The following FER variants were observed in gnomAD, a reference collection of about 807,000 sequenced individuals.
The protein encoded by FER is tyrosine-protein kinase Fer.
A neutral mutation model predicts 111.0 loss-of-function variants in FER; 63 were observed. The observed-to-expected ratio is 0.57, with a 90% CI of 0.46 to 0.70. The LOEUF (loss-of-function observed/expected upper bound fraction) is 0.70. Among genes scored for constraint, FER ranks in the 30% least tolerant of loss-of-function variants. The probability of loss-of-function intolerance (pLI) is 0.00; values close to 1 mark genes in which losing one functional copy is unlikely to be tolerated. For missense variants in FER, 914 were observed against 954.0 expected (o/e 0.96, Z 0.55); for synonymous variants, 327 against 313.9 (o/e 1.04, Z -0.44).
intron 17 of FER, among the ~76,000 whole-genome samples, chr5:109,165,258 G>A (rs1756409388): frequency 6.6e-6 from 1 of 152,116 alleles, no homozygotes; most frequent in Non-Finnish European, 1.5e-5. Context: ...CCCTACAAGA[G>A]GTGATCATTA....
chr5:109,018,064 G>C (rs1188716653), intron 13 of FER, among the ~76,000 whole-genome samples: 1 of 151,802 alleles, frequency 6.6e-6, no homozygotes, highest in African/African-American at 2.4e-5. Flanking sequence ...ATTGTCTCCT[G>C]TCTGTTTTAG....
chr5:109,033,965 A>G lies in FER; in HGVS notation c.1657-3457A>G, dbSNP rs1013462148. Among the ~76,000 whole-genome samples, 35 of 152,184 alleles carry G rather than the reference A, an allele frequency of 2.3e-4. 1 individual carries two copies. The highest frequency in any genetic ancestry group is 7.3e-5 in the Non-Finnish European group (5 of 68,036). Reference sequence around the variant, plus strand: ...AGCTAACTAACATATCCATCACTTCACATAACTTATTTTTGGTAGTGAGAT... The same window carrying G: ...AGCTAACTAACATATCCATCACTTCGCATAACTTATTTTTGGTAGTGAGAT... On this transcript the variant is annotated intron_variant, in intron 13 of 19. Transcript: ENST00000281092.
chr5:108,820,739 G>C (rs1758750653), intron 3 of FER, among the ~76,000 whole-genome samples: 1 of 152,216 alleles, frequency 6.6e-6, no homozygotes, highest in African/African-American at 2.4e-5. Context: ...AAAAAATTTA[G>C]TCTTTGTCCA....
At position 109,191,337 on chromosome 5, in the gene FER, T is replaced by C. The variant is rs2126905584; in HGVS notation, c.*3762T>C. On this transcript the variant is annotated 3_prime_UTR_variant, in exon 20 of 20. Transcript: ENST00000281092. ...GTGTACACTGTTTAATGGCCATGCA[T>C]CTTTTGAAGTTTGATATTTTCTGAA... 1 of 152,284 alleles carries C rather than the reference T, an allele frequency of 6.6e-6. No homozygotes were observed. The highest frequency in any genetic ancestry group is 1.5e-5 in the Non-Finnish European group (1 of 68,018). The allele number at this position is 152,284 out of a possible 1,614,324, so 9.4% of individuals were successfully genotyped here.
intron 17 of FER, among the ~76,000 whole-genome samples, chr5:109,122,521 GA>G (rs60535794): frequency 0.42 from 61,144 of 145,088 alleles, 12,701 homozygotes; most frequent in African/African-American, 0.46. Context: ...CATGTGCTGA[GA>G]AAAAAAAAAA....
intron 17 of FER, among the ~76,000 whole-genome samples, chr5:109,136,982 A>G (rs1054568974): frequency 6.6e-6 from 1 of 152,206 alleles, no homozygotes; most frequent in East Asian, 1.9e-4. Context: ...TCCTAATGTA[A>G]CATTCAGATA....
chr5:108,766,531 G>A (rs1045638573), intron 1 of FER, among the ~76,000 whole-genome samples: 2 of 152,154 alleles, frequency 1.3e-5, no homozygotes, highest in East Asian at 3.9e-4. Context: ...ACCAATTCTA[G>A]CTTTAGGAGC....
At chr5:109,149,418 T>C (rs1229256459) in intron 17 of FER, among the ~76,000 whole-genome samples, 1 of 152,174 alleles carries the variant, frequency 6.6e-6, no homozygotes, top group African/African-American at 2.4e-5. Context: ...CCACCTCTAA[T>C]GGAAGAAAAC....
chr5:108,886,890 A>T (rs1747255146), intron 9 of FER, among the ~76,000 whole-genome samples: 1 of 151,752 alleles, frequency 6.6e-6, no homozygotes, highest in South Asian at 2.1e-4. Context: ...TTGCCTTTGA[A>T]TTATATGTTA....
chr5:109,154,886 A>G (rs1755202164), intron 17 of FER, among the ~76,000 whole-genome samples: 1 of 151,872 alleles, frequency 6.6e-6, no homozygotes, highest in South Asian at 2.1e-4. Context: ...ACTACATCTC[A>G]GTGGCTTCGT....
rs114654569 is a variant in FER, at chr5:109,088,277, T to C, written c.1925-12119T>C. Among the ~76,000 whole-genome samples, 458 of 152,224 alleles carry C rather than the reference T, an allele frequency of 3.0e-3. 1 individual carries two copies. The highest frequency in any genetic ancestry group is 0.01 in the African/African-American group (432 of 41,574). On this transcript the variant is annotated intron_variant, in intron 16 of 19. Coordinates refer to ENST00000281092, the MANE Select transcript of FER (RefSeq NM_005246.4). The stretch of plus-strand genomic sequence containing the variant: ...ACAGTTATATCTCCTAGGCTTATCA[T>C]TTGGACCAGGCAGTAAGTTGCTAAT...
At chr5:108,952,372 A>T (rs1186620842) in intron 11 of FER, among the ~76,000 whole-genome samples, 1 of 138,506 alleles carries the variant, frequency 7.2e-6, no homozygotes, top group Non-Finnish European at 1.7e-5. Context: ...ATTTCATTGA[A>T]ATCATATTGA....
chr5:108,944,646 A>G (rs545165775), intron 10 of FER, among the ~76,000 whole-genome samples: 5 of 152,202 alleles, frequency 3.3e-5, no homozygotes, highest in African/African-American at 1.2e-4. Context: ...AGCTGATACT[A>G]GATGTTACAT....
intron 13 of FER, among the ~76,000 whole-genome samples, chr5:108,984,256 A>G (rs1762323279): frequency 6.6e-6 from 1 of 152,112 alleles, no homozygotes; most frequent in Admixed American, 6.6e-5. Context: ...TACTGTAGGC[A>G]AAGATCTAGA....
At chr5:108,997,961 CA>C (rs1561745033) in intron 13 of FER, among the ~76,000 whole-genome samples, 1 of 151,992 alleles carries the variant, frequency 6.6e-6, no homozygotes, top group Non-Finnish European at 1.5e-5. Flanking sequence ...ACTCAAGCTT[CA>C]GCAATGGTGG....
intron 13 of FER, among the ~76,000 whole-genome samples, chr5:108,997,722 G>T (rs535627779): frequency 7.2e-5 from 11 of 152,194 alleles, no homozygotes; most frequent in African/African-American, 2.6e-4. Flanking sequence ...TGCTGAAGCT[G>T]CTCCCACAGC....
chr5:108,785,597 G>GAA, intron 2 of FER: 21 of 372,904 alleles, frequency 5.6e-5, no homozygotes, highest in East Asian at 2.5e-4. Context: ...GAACAAACTG[G>GAA]AAAAAAAAAA....
At chr5:108,977,853 C>G (rs1052903364) in intron 13 of FER, among the ~76,000 whole-genome samples, 1 of 152,050 alleles carries the variant, frequency 6.6e-6, no homozygotes, top group Non-Finnish European at 1.5e-5. Context: ...TCTCTCTTCT[C>G]TCTCTTTTGT....
At chr5:108,889,755 T>C (rs1226356147) in intron 9 of FER, among the ~76,000 whole-genome samples, 4 of 152,012 alleles carry the variant, frequency 2.6e-5, no homozygotes, top group Admixed American at 6.6e-5. Flanking sequence ...CACATGCTTT[T>C]ATCAAAATAT....
Sources: allele counts gnomAD v4.1 joint callset (sites outside exome capture counted in the v4.1 genomes callset), GRCh38; gene constraint gnomAD v4.1.1; transcripts MANE v1.5; gene names NCBI Gene and HGNC (gene_info 2026-07-23, HGNC 2026-07-21).